DGKB: variants seen among roughly 807,000 people sequenced by gnomAD.
DGKB encodes 90 kDa diacylglycerol kinase.
In DGKB, 67 loss-of-function variants were observed where a neutral mutation model predicts 114.3. That is an observed-to-expected ratio of 0.59 (90% CI 0.48 to 0.72). The LOEUF (loss-of-function observed/expected upper bound fraction) is 0.72, where lower values mean the gene tolerates loss of function less well. DGKB is among the 30% of genes least tolerant of loss of function. The pLI, the probability that DGKB is intolerant of heterozygous loss-of-function variation, is 0.00. For missense variants in DGKB, 907 were observed against 975.2 expected, an observed-to-expected ratio of 0.93 and a Z score of 0.93; for synonymous variants, 398 against 323.1, an observed-to-expected ratio of 1.23 and a Z score of -2.49.
rs1821308023 is a variant in DGKB at position 14,391,519 on chromosome 7, A to AAG, written c.1836-46129_1836-46128insCT. On this transcript the variant is annotated intron_variant, in intron 21 of 25. Transcript: ENST00000402815. ...ATGGCCGGTCTACAAAAGAAAAAAA[A>AAG]ATAAAAAAAAAAAAAGGAAAAATTA... is the stretch of plus-strand genomic sequence containing the variant. 2.0e-5 allele frequency among the ~76,000 whole-genome samples: 3 copies of AAG among 151,696 alleles called. No individual in the cohort carries two copies. In the South Asian group the frequency reaches 6.2e-4, roughly 32 times the overall value.
At chr7:14,174,056 A>G (rs977314988) in intron 25 of DGKB, among the ~76,000 whole-genome samples, 1 of 152,182 alleles carries the variant, frequency 6.6e-6, no homozygotes, top group Admixed American at 6.5e-5. Context: ...TTAAATTTCA[A>G]TAGGCAGACA....
intron 21 of DGKB, among the ~76,000 whole-genome samples, chr7:14,379,619 G>C (rs1435370264): frequency 6.6e-6 from 1 of 151,940 alleles, no homozygotes; most frequent in Non-Finnish European, 1.5e-5. Flanking sequence ...GAGTGCAGTG[G>C]CACGATCTCG....
intron 21 of DGKB, among the ~76,000 whole-genome samples, chr7:14,372,411 G>A (rs1437413260): frequency 6.6e-6 from 1 of 152,112 alleles, no homozygotes; most frequent in African/African-American, 2.4e-5. Flanking sequence ...GTGCGTAGTG[G>A]GGGGAACTAT....
intron 2 of DGKB, among the ~76,000 whole-genome samples, chr7:14,829,618 T>C: frequency 6.6e-6 from 1 of 152,128 alleles, no homozygotes; most frequent in East Asian, 1.9e-4. Flanking sequence ...ATGGATTCTT[T>C]GAGGGATTGC....
At chr7:14,971,762 ATTT>A (rs71004349) in intron 1 of DGKB, among the ~76,000 whole-genome samples, 6 of 139,152 alleles carry the variant, frequency 4.3e-5, no homozygotes, top group South Asian at 2.3e-4. Flanking sequence ...TATTGAAAGC[ATTT>A]TTTTTTTTTT....
At chr7:14,943,652 A>G (rs1785697717) in intron 1 of DGKB, among the ~76,000 whole-genome samples, 2 of 151,932 alleles carry the variant, frequency 1.3e-5, no homozygotes, top group African/African-American at 4.8e-5. Context: ...ACACACACAT[A>G]TATATATCTC....
At chr7:14,515,549 A>G (rs545789573) in intron 20 of DGKB, among the ~76,000 whole-genome samples, 58 of 152,340 alleles carry the variant, frequency 3.8e-4, no homozygotes, top group Admixed American at 2.6e-4. Context: ...ATATCAACAG[A>G]TTTCAAAAAG....
chr7:14,922,365 G>T (rs982626547), intron 1 of DGKB, among the ~76,000 whole-genome samples: 16 of 137,928 alleles, frequency 1.2e-4, no homozygotes, highest in Non-Finnish European at 7.7e-5. Context: ...ACATATATAT[G>T]TGTATCCATC....
At chr7:14,697,683 AAAGGAAGG>A (rs747233094) in intron 8 of DGKB, among the ~76,000 whole-genome samples, 18 of 147,808 alleles carry the variant, frequency 1.2e-4, no homozygotes, top group East Asian at 9.7e-4. Context: ...AAAGAAAAGA[AAAGGAAGG>A]AAGGAAGGAA....
chr7:14,469,083 T>C (rs1190856996), intron 21 of DGKB, among the ~76,000 whole-genome samples: 1 of 152,124 alleles, frequency 6.6e-6, no homozygotes, highest in African/African-American at 2.4e-5. Context: ...CATGTATCTG[T>C]TAGAGCTCAA....
intron 21 of DGKB, among the ~76,000 whole-genome samples, chr7:14,379,040 C>G (rs1818952909): frequency 9.2e-6 from 1 of 108,972 alleles, no homozygotes; most frequent in South Asian, 2.7e-4. Flanking sequence ...GGAAAAAAAT[C>G]TCATTTTTTT....
At chr7:14,926,171 G>A (rs1347674887) in intron 1 of DGKB, among the ~76,000 whole-genome samples, 2 of 151,798 alleles carry the variant, frequency 1.3e-5, no homozygotes, top group African/African-American at 2.4e-5. Context: ...AACTGTTTCT[G>A]TGATGGATTA....
intron 2 of DGKB, among the ~76,000 whole-genome samples, chr7:14,770,861 AG>A (rs1285760377): frequency 6.6e-6 from 1 of 152,130 alleles, no homozygotes; most frequent in Non-Finnish European, 1.5e-5. Flanking sequence ...AAGCGGATAG[AG>A]CCAGTGCTCT....
At chr7:14,836,395 AC>A (rs1847164108) in intron 2 of DGKB, among the ~76,000 whole-genome samples, 1 of 152,204 alleles carries the variant, frequency 6.6e-6, no homozygotes, top group Non-Finnish European at 1.5e-5. Context: ...GCTATATAAC[AC>A]ACATTATATA....
intron 1 of DGKB, among the ~76,000 whole-genome samples, chr7:14,883,991 C>A (rs1253359062): frequency 6.6e-6 from 1 of 151,884 alleles, no homozygotes; most frequent in East Asian, 1.9e-4. Context: ...TTATAGAAAA[C>A]AAAGTGAGCC....
chr7:14,935,030 A>G (rs892291818), intron 1 of DGKB, among the ~76,000 whole-genome samples: 4 of 152,174 alleles, frequency 2.6e-5, no homozygotes, highest in Admixed American at 1.3e-4. Flanking sequence ...TTTGAGTATT[A>G]CTGTACAGGA....
At chr7:14,503,936 T>C (rs1288030863) in intron 20 of DGKB, among the ~76,000 whole-genome samples, 1 of 152,192 alleles carries the variant, frequency 6.6e-6, no homozygotes, top group Non-Finnish European at 1.5e-5. Flanking sequence ...AACAAGTTCC[T>C]GAAACTGTTT....
chr7:14,229,213 T>C lies in DGKB; in HGVS notation c.2123-51062A>G, dbSNP rs545410986. 2.7e-4 allele frequency among the ~76,000 whole-genome samples: 41 copies of C among 152,118 alleles called. No individual in the cohort carries two copies. The South Asian group carries it at 8.1e-3, about 30-fold the overall frequency. ...TATAATATGTGGTCAGTATTACTCA[T>C]ACATACATACACTCATATACAGTAA... is the stretch of plus-strand genomic sequence containing the variant. On this transcript the variant is annotated intron_variant, in intron 23 of 25. Transcript: ENST00000402815.
intron 13 of DGKB, among the ~76,000 whole-genome samples, chr7:14,634,481 T>TACACACACACACAC (rs34758174): frequency 3.4e-4 from 49 of 145,266 alleles, no homozygotes; most frequent in African/African-American, 9.0e-4. Flanking sequence ...TACAAAGTGA[T>TACACACACACACAC]ACACACACAC....
Sources: gnomAD v4.1 joint callset for allele counts (sites outside exome capture counted in the v4.1 genomes callset) on GRCh38, gnomAD v4.1.1 for gene constraint, MANE v1.5 for transcripts, NCBI Gene and HGNC (gene_info 2026-07-23, HGNC 2026-07-21) for gene names.